RNF145: variants seen among roughly 807,000 people sequenced by gnomAD.
RNF145 encodes the protein ring finger protein 145.
Under a neutral mutation model 57.3 loss-of-function variants are expected in RNF145, and 12 were observed. The ratio of observed to expected loss-of-function variants is 0.21; its 90% CI spans 0.13 to 0.34. RNF145 has a LOEUF of 0.34. Ranked by LOEUF, RNF145 falls within the 10% of genes least tolerant of loss-of-function variation. RNF145 has a pLI of 1.00. For missense variants in RNF145, 429 were observed against 799.0 expected (o/e 0.54, Z 5.58); for synonymous variants, 262 against 288.3 (o/e 0.91, Z 0.92).
intron 2 of RNF145, 132 bp from the exon 3 acceptor site, chr5:159,194,956 C>T (rs938263976): frequency 3.3e-6 from 2 of 601,628 alleles, no homozygotes; most frequent in Admixed American, 3.4e-5. Flanking sequence ...TTATACTTAC[C>T]AAAGTAAGTT....
chr5:159,176,874 T>G lies in RNF145; in HGVS notation c.386-7A>C. 1 of 1,548,460 alleles carries G rather than the reference T, an allele frequency of 6.5e-7. No homozygotes were observed. Among genetic ancestry groups the G allele is most frequent in the Non-Finnish European group, 8.9e-7 (1 of 1,125,246 alleles). On this transcript the variant is annotated splice_region_variant and splice_polypyrimidine_tract_variant and intron_variant, in intron 4 of 10. Coordinates refer to ENST00000424310, the MANE Select transcript of RNF145 (RefSeq NM_001199383.2). ...GTACACACCACCAACTGACCTAAAA[T>G]AGGGAATAGAATACATTTAATTTTG...
intron 9 of RNF145, 25 bp downstream of exon 9, chr5:159,162,907 T>TAG: frequency 6.4e-7 from 1 of 1,563,754 alleles, no homozygotes; most frequent in South Asian, 1.2e-5. Flanking sequence ...GGTTATTATA[T>TAG]AGAGTTAATT....
chr5:159,200,846 T>C (rs972866516), intron 2 of RNF145, among the ~76,000 whole-genome samples: 1 of 152,234 alleles, frequency 6.6e-6, no homozygotes, highest in Non-Finnish European at 1.5e-5. Flanking sequence ...ATACAGGTTT[T>C]TCTTAAGTAT....
intron 2 of RNF145, among the ~76,000 whole-genome samples, chr5:159,202,902 C>G (rs1404239049): frequency 6.7e-6 from 1 of 149,476 alleles, no homozygotes; most frequent in Non-Finnish European, 1.5e-5. Flanking sequence ...TTCCATTTTT[C>G]TTGAAAGGGG....
intron 8 of RNF145, among the ~76,000 whole-genome samples, chr5:159,164,449 G>A (rs1481869515): frequency 4.6e-5 from 7 of 152,116 alleles, no homozygotes; most frequent in Non-Finnish European, 1.0e-4. Flanking sequence ...AAATATGTAC[G>A]TATTTATAAA....
At chr5:159,188,268 T>C (rs1325374197) in intron 3 of RNF145, among the ~76,000 whole-genome samples, 1 of 151,136 alleles carries the variant, frequency 6.6e-6, no homozygotes, top group Non-Finnish European at 1.5e-5. Flanking sequence ...GCGCCTGTAG[T>C]CCCAGCTACT....
chr5:159,174,119 G>C lies in RNF145; in HGVS notation c.661C>G (p.Leu221Val), dbSNP rs1784641395. 1 of 1,612,702 alleles carries C rather than the reference G, an allele frequency of 6.2e-7. No individual in the cohort carries two copies. The highest frequency in any genetic ancestry group is 8.5e-7 in the Non-Finnish European group (1 of 1,179,256). The change falls in exon 6 of 11, where the codon CTG becomes GTG. Residue 221 changes from leucine (L) to valine (V), a missense_variant. By Grantham distance (32) the Leu-to-Val change is conservative. Coordinates refer to ENST00000424310, the MANE Select transcript of RNF145 (RefSeq NM_001199383.2). ...ACAGGGACTACCAGTTGATTCCACA[G>C]GGACATTCCCAAGGCGAGAAGGCCA... ...VYGLLALGMSLWNQLVVPVLF... is the reference protein window; with the variant it reads ...VYGLLALGMSVWNQLVVPVLF...
intron 3 of RNF145, among the ~76,000 whole-genome samples, chr5:159,186,052 C>T (rs1046994287): frequency 6.6e-6 from 1 of 152,028 alleles, no homozygotes; most frequent in African/African-American, 2.4e-5. Context: ...GGTGAAACTC[C>T]GACTCTACAA....
chr5:159,175,648 T>A (rs1784697711), intron 5 of RNF145, among the ~76,000 whole-genome samples: 1 of 152,066 alleles, frequency 6.6e-6, no homozygotes, highest in Non-Finnish European at 1.5e-5. Flanking sequence ...GTAGAAATAA[T>A]CCCTTTTCTG....
chr5:159,158,754 T>A lies in RNF145; in HGVS notation c.1908A>T (p.Arg636=). ...CAAAAGCCCCTTCCTGGTTATCTGG[T>A]CGTCTGGCAATGTACTCATTATTGT... ...SRDNNEYIAR[R]PDNQEGAFDP... Residue 636 remains arginine (R), a synonymous_variant, in exon 11 of 11, where the codon CGA becomes CGT. Coordinates refer to ENST00000424310, the MANE Select transcript of RNF145 (RefSeq NM_001199383.2). 1 of 1,613,996 alleles carries A rather than the reference T, an allele frequency of 6.2e-7. No homozygotes were observed. The highest frequency in any genetic ancestry group is 1.7e-5 in the Admixed American group (1 of 60,022).
chr5:159,165,911 T>C (rs1784380229), intron 8 of RNF145, among the ~76,000 whole-genome samples: 1 of 152,212 alleles, frequency 6.6e-6, no homozygotes, highest in African/African-American at 2.4e-5. Context: ...TCTGGTGAGG[T>C]GAACTGTTCT....
At chr5:159,185,515 A>C (rs752585260) in intron 3 of RNF145, among the ~76,000 whole-genome samples, 1 of 152,232 alleles carries the variant, frequency 6.6e-6, no homozygotes, top group Non-Finnish European at 1.5e-5. Flanking sequence ...CATTCACAAC[A>C]TAAGAAAAAC....
At chr5:159,180,798 C>T (rs1784865119) in intron 4 of RNF145, among the ~76,000 whole-genome samples, 1 of 152,084 alleles carries the variant, frequency 6.6e-6, no homozygotes, top group African/African-American at 2.4e-5. Context: ...GTGCTTTACA[C>T]ATACAGCACA....
At chr5:159,164,637 TA>T (rs1784335244) in intron 8 of RNF145, among the ~76,000 whole-genome samples, 2 of 152,020 alleles carry the variant, frequency 1.3e-5, no homozygotes, top group Non-Finnish European at 2.9e-5. Flanking sequence ...AAATTTCAAA[TA>T]AAATATAAAA....
chr5:159,159,244 G>C (rs1198724296), intron 10 of RNF145, among the ~76,000 whole-genome samples: 4 of 152,178 alleles, frequency 2.6e-5, no homozygotes, highest in Non-Finnish European at 5.9e-5. Context: ...TACTGGCTAA[G>C]TACTTTCTAA....
intron 6 of RNF145, among the ~76,000 whole-genome samples, chr5:159,170,989 A>C (rs1784531851): frequency 6.6e-6 from 1 of 152,196 alleles, no homozygotes; most frequent in Admixed American, 6.5e-5. Flanking sequence ...GTCCCTTACT[A>C]TGCAGCTCCA....
At chr5:159,185,773 C>T (rs1405359277) in intron 3 of RNF145, among the ~76,000 whole-genome samples, 1 of 152,198 alleles carries the variant, frequency 6.6e-6, no homozygotes, top group African/African-American at 2.4e-5. Context: ...CTACTTATAA[C>T]TGAATAAAAT....
intron 2 of RNF145, among the ~76,000 whole-genome samples, chr5:159,195,460 C>T (rs990221342): frequency 2.0e-5 from 3 of 152,156 alleles, no homozygotes; most frequent in Non-Finnish European, 4.4e-5. Flanking sequence ...TCTTTACCAT[C>T]TACAATCCCT....
At chr5:159,203,108 C>T (rs947068665) in intron 2 of RNF145, among the ~76,000 whole-genome samples, 8 of 152,054 alleles carry the variant, frequency 5.3e-5, no homozygotes, top group African/African-American at 1.9e-4. Flanking sequence ...TACCAAACCC[C>T]AAAACAAGGA....
Sources: gnomAD v4.1 joint callset for allele counts (sites outside exome capture counted in the v4.1 genomes callset) on GRCh38, gnomAD v4.1.1 for gene constraint, MANE v1.5 for transcripts, NCBI Gene and HGNC (gene_info 2026-07-23, HGNC 2026-07-21) for gene names.